APBB2: variants seen among roughly 807,000 people sequenced by gnomAD.
APBB2 encodes the protein amyloid beta precursor protein binding family B member 2, also known as Fe65-like 1.
Under a neutral mutation model 82.5 loss-of-function variants are expected in APBB2, and 38 were observed. The observed-to-expected ratio is 0.46, with a 90% CI of 0.36 to 0.60. The LOEUF is 0.60. Ranked by LOEUF, APBB2 falls within the 20% of genes least tolerant of loss-of-function variation. The pLI is 0.00. For missense variants in APBB2, 772 were observed against 972.3 expected (o/e 0.79, Z 2.74); for synonymous variants, 341 against 368.2 (o/e 0.93, Z 0.85).
chr4:41,065,011 C>A (rs1560655474), intron 4 of APBB2, among the ~76,000 whole-genome samples: 1 of 152,158 alleles, frequency 6.6e-6, no homozygotes, highest in Non-Finnish European at 1.5e-5. Flanking sequence ...TTAGACCAGG[C>A]ATGGTGGCTC....
intron 3 of APBB2, among the ~76,000 whole-genome samples, chr4:41,099,710 G>C (rs543772814): frequency 6.6e-6 from 1 of 152,086 alleles, no homozygotes; most frequent in African/African-American, 2.4e-5. Flanking sequence ...TTTTAAACAT[G>C]CTTCAACTAA....
intron 6 of APBB2, among the ~76,000 whole-genome samples, chr4:40,977,172 T>A (rs956511853): frequency 1.3e-5 from 2 of 152,230 alleles, no homozygotes; most frequent in African/African-American, 4.8e-5. Context: ...AGGCTTGAGA[T>A]GAGGAAATAT....
chr4:40,961,144 G>A (rs758320571), intron 6 of APBB2, among the ~76,000 whole-genome samples: 1 of 152,074 alleles, frequency 6.6e-6, no homozygotes, highest in Non-Finnish European at 1.5e-5. Flanking sequence ...GCTTCTATGT[G>A]AAAGGGAAGT....
intron 6 of APBB2, among the ~76,000 whole-genome samples, chr4:40,992,605 C>T (rs1189825969): frequency 1.3e-5 from 2 of 152,128 alleles, no homozygotes. Context: ...AGAGAGCAAA[C>T]CAACACTTGG....
At chr4:40,984,556 G>A (rs1445756935) in intron 6 of APBB2, among the ~76,000 whole-genome samples, 1 of 152,100 alleles carries the variant, frequency 6.6e-6, no homozygotes, top group Admixed American at 6.5e-5. Context: ...ATTTTATTCT[G>A]TGAAAAGAAT....
intron 2 of APBB2, among the ~76,000 whole-genome samples, chr4:41,120,258 AC>A (rs1384393217): frequency 6.6e-6 from 1 of 152,112 alleles, no homozygotes; most frequent in Admixed American, 6.5e-5. Context: ...TCTGCAGGCC[AC>A]CTATCTGTTC....
chr4:40,932,441 G>T (rs1378479587), intron 10 of APBB2, among the ~76,000 whole-genome samples: 1 of 152,182 alleles, frequency 6.6e-6, no homozygotes, highest in Admixed American at 6.5e-5. Flanking sequence ...TTCACTGCAA[G>T]CCCTAAGATA....
At chr4:40,882,118 C>G (rs1768801383) in intron 12 of APBB2, among the ~76,000 whole-genome samples, 1 of 152,080 alleles carries the variant, frequency 6.6e-6, no homozygotes, top group South Asian at 2.1e-4. Flanking sequence ...AGGCAGGAGA[C>G]AGAAACCACA....
At chr4:40,921,253 G>A (rs994278748) in intron 10 of APBB2, among the ~76,000 whole-genome samples, 3 of 152,126 alleles carry the variant, frequency 2.0e-5, no homozygotes, top group Admixed American at 6.5e-5. Flanking sequence ...ATTGTACTAC[G>A]GGGAAGAACA....
intron 2 of APBB2, among the ~76,000 whole-genome samples, chr4:41,106,654 T>G (rs1284712871): frequency 1.3e-5 from 2 of 152,074 alleles, no homozygotes; most frequent in African/African-American, 4.8e-5. Context: ...TTTTTTGTAT[T>G]TTTAATGGAG....
At chr4:40,926,842 G>A (rs774280607) in intron 10 of APBB2, among the ~76,000 whole-genome samples, 8 of 152,224 alleles carry the variant, frequency 5.3e-5, no homozygotes, top group South Asian at 2.1e-4. Flanking sequence ...ATAAATTGAC[G>A]TCTTCTAAGC....
intron 12 of APBB2, among the ~76,000 whole-genome samples, chr4:40,853,145 C>T (rs1221460361): frequency 2.0e-5 from 3 of 152,178 alleles, no homozygotes; most frequent in Non-Finnish European, 4.4e-5. Flanking sequence ...CTCCACATTT[C>T]CCCCACCCAC....
At chr4:40,823,859 T>C (rs1748868129) in intron 15 of APBB2, 100 bp from the exon 16 acceptor site, 1 of 722,338 alleles carries the variant, frequency 1.4e-6, no homozygotes, top group Non-Finnish European at 2.4e-6. Context: ...GACTGATCTT[T>C]TTTTAATAGA....
At chr4:41,146,965 A>T (rs1760950577) in intron 1 of APBB2, among the ~76,000 whole-genome samples, 1 of 152,200 alleles carries the variant, frequency 6.6e-6, no homozygotes, top group Non-Finnish European at 1.5e-5. Context: ...GCTGGGTGAA[A>T]AAAGAAAATG....
chr4:41,014,804 T>C (rs990015756), intron 5 of APBB2, among the ~76,000 whole-genome samples: 1 of 152,222 alleles, frequency 6.6e-6, no homozygotes. Context: ...CAACAAAAAA[T>C]TGCTCAAGAT....
At chr4:40,882,174 C>T (rs763486500) in intron 12 of APBB2, among the ~76,000 whole-genome samples, 1 of 152,184 alleles carries the variant, frequency 6.6e-6, no homozygotes, top group Non-Finnish European at 1.5e-5. Context: ...TAACTAATAA[C>T]TACAATGGCA....
intron 10 of APBB2, among the ~76,000 whole-genome samples, chr4:40,894,679 G>C (rs1054139938): frequency 1.3e-5 from 2 of 152,206 alleles, no homozygotes; most frequent in African/African-American, 4.8e-5. Flanking sequence ...ATCACTTAGA[G>C]ATATTTTGTT....
chr4:41,108,989 T>C (rs1748217350), intron 2 of APBB2, among the ~76,000 whole-genome samples: 2 of 152,224 alleles, frequency 1.3e-5, no homozygotes, highest in Admixed American at 1.3e-4. Flanking sequence ...TCTTTTTCTC[T>C]GTTATTCCTC....
At chr4:40,934,282 AC>A (rs1188507807) in intron 10 of APBB2, among the ~76,000 whole-genome samples, 173 bp downstream of exon 10, 1 of 152,166 alleles carries the variant, frequency 6.6e-6, no homozygotes, top group Non-Finnish European at 1.5e-5. Flanking sequence ...CCCAAACCTA[AC>A]TTAGCCTAGG....
Sources: allele counts gnomAD v4.1 joint callset (sites outside exome capture counted in the v4.1 genomes callset), GRCh38; gene constraint gnomAD v4.1.1; transcripts MANE v1.5; gene names NCBI Gene and HGNC (gene_info 2026-07-23, HGNC 2026-07-21).